Variants in TMEM63C observed in about 807,000 individuals in gnomAD.
TMEM63C encodes the protein osmosensitive cation channel TMEM63C.
In TMEM63C, 32 loss-of-function variants were observed where a neutral mutation model predicts 99.2. That is an observed-to-expected ratio of 0.32 (90% CI 0.24 to 0.43). The LOEUF (loss-of-function observed/expected upper bound fraction) is 0.43, where lower values mean the gene tolerates loss of function less well. TMEM63C is among the 20% of genes least tolerant of loss of function. The pLI, the probability that TMEM63C is intolerant of heterozygous loss-of-function variation, is 1.00. For missense variants in TMEM63C, 826 were observed against 1,053.0 expected, an observed-to-expected ratio of 0.78 and a Z score of 2.98; for synonymous variants, 376 against 397.9, an observed-to-expected ratio of 0.94 and a Z score of 0.66.
At chr14:77,211,894 C>T (rs1454294683) in intron 1 of TMEM63C, among the ~76,000 whole-genome samples, 3 of 152,216 alleles carry the variant, frequency 2.0e-5, no homozygotes, top group African/African-American at 7.2e-5. Flanking sequence ...CATCATCTCC[C>T]ACTGCCCCTC....
chr14:77,218,600 G>T (rs1888634901), intron 2 of TMEM63C, among the ~76,000 whole-genome samples: 1 of 152,220 alleles, frequency 6.6e-6, no homozygotes, highest in African/African-American at 2.4e-5. Context: ...CTGTCATCCC[G>T]GCCTTGGGTT....
intron 18 of TMEM63C, 92 bp from the exon 19 acceptor site, chr14:77,248,255 C>T (rs1473392481): frequency 4.4e-6 from 5 of 1,137,092 alleles, no homozygotes; most frequent in Admixed American, 2.3e-5. Flanking sequence ...GATTCCCATT[C>T]CCTCTGCTGC....
intron 21 of TMEM63C, 96 bp downstream of exon 21, chr14:77,249,554 C>A: frequency 7.2e-7 from 1 of 1,396,616 alleles, no homozygotes; most frequent in South Asian, 1.3e-5. Context: ...AAAGCCCAGG[C>A]AGGGCAAGAC....
chr14:77,224,342 T>TCCTTTTGGGAACAA (rs1164609644), intron 5 of TMEM63C, among the ~76,000 whole-genome samples: 1 of 152,046 alleles, frequency 6.6e-6, no homozygotes, highest in African/African-American at 2.4e-5. Context: ...GATAGTTGCT[T>TCCTTTTGGGAACAA]CCTTTTGGGA....
At position 77,244,406 on chromosome 14, in the gene TMEM63C, C is replaced by T. The variant is rs376049742; in HGVS notation, c.1399C>T (p.Leu467=). 1 of 1,613,852 alleles carries T rather than the reference C, an allele frequency of 6.2e-7. No homozygotes were observed. Among genetic ancestry groups the T allele is most frequent in the Non-Finnish European group, 8.5e-7 (1 of 1,179,894 alleles). ...SVMLWGFTVI[L]PLIVYFSAFL... ...GATGCTCTGGGGCTTCACAGTGATA[C>T]TGCCTCTGATTGTCTACTTCTCCGC... Residue 467 remains leucine (L), a synonymous_variant, in exon 16 of 24, where the codon CTG becomes TTG. Transcript: ENST00000298351.
chr14:77,241,200 C>G (rs112228490), intron 13 of TMEM63C, among the ~76,000 whole-genome samples: 1 of 152,098 alleles, frequency 6.6e-6, no homozygotes, highest in African/African-American at 2.4e-5. Flanking sequence ...ATCTGCCCAC[C>G]TCAGTCTCCC....
In TMEM63C at chr14:77,203,439, C is replaced by A. The variant is rs150680711; in HGVS notation, c.-76-10007C>A. On this transcript the variant is annotated intron_variant, in intron 1 of 23. Coordinates refer to ENST00000298351, the MANE Select transcript of TMEM63C (RefSeq NM_020431.4). ...CAGAGTGAAAGGTAAGTCTTCCTCG[C>A]CACCTAGTTCCCTACCCAGAAGACA... Among the ~76,000 whole-genome samples, 1,128 of 151,918 alleles carry A rather than the reference C, an allele frequency of 7.4e-3. 7 individuals are homozygous for A. Among genetic ancestry groups the A allele is most frequent in the Non-Finnish European group, 0.012 (824 of 67,964 alleles).
chr14:77,225,358 T>C, intron 5 of TMEM63C, 66 bp from the exon 6 acceptor site: 3 of 1,530,962 alleles, frequency 2.0e-6, no homozygotes, highest in Non-Finnish European at 2.6e-6. Context: ...GCCGCCTGGG[T>C]TCCCAGAGCT....
intron 1 of TMEM63C, among the ~76,000 whole-genome samples, chr14:77,207,614 C>A (rs185027462): frequency 6.6e-6 from 1 of 152,320 alleles, no homozygotes; most frequent in Non-Finnish European, 1.5e-5. Flanking sequence ...TAACTTTAGG[C>A]CAGTTACTTA....
In TMEM63C at chr14:77,238,686, C is replaced by A; in HGVS notation, c.652-8C>A. 1 of 1,611,558 alleles carries A rather than the reference C, an allele frequency of 6.2e-7. No individual in the cohort carries two copies. Among genetic ancestry groups the A allele is most frequent in the Non-Finnish European group, 8.5e-7 (1 of 1,177,894 alleles). On this transcript the variant is annotated splice_polypyrimidine_tract_variant and splice_region_variant and intron_variant, in intron 9 of 23. Coordinates refer to ENST00000298351, the MANE Select transcript of TMEM63C (RefSeq NM_020431.4). ...TCTTCTTTCTCCATTTTTATTTTTCCCACCCAGGTCACAAGGACACTAATG... is the reference window on the plus strand; with the variant it reads ...TCTTCTTTCTCCATTTTTATTTTTCACACCCAGGTCACAAGGACACTAATG...
At chr14:77,209,522 A>G (rs1184145314) in intron 1 of TMEM63C, among the ~76,000 whole-genome samples, 1 of 152,180 alleles carries the variant, frequency 6.6e-6, no homozygotes, top group African/African-American at 2.4e-5. Context: ...GGTCCCTACT[A>G]TCAAAGAGCC....
chr14:77,255,128 T>C (rs925934855), intron 23 of TMEM63C, among the ~76,000 whole-genome samples: 1 of 152,132 alleles, frequency 6.6e-6, no homozygotes, highest in Admixed American at 6.5e-5. Context: ...GTAGCTGGGA[T>C]TACAGGCACA....
chr14:77,227,907 G>A (rs1037877332), intron 6 of TMEM63C, among the ~76,000 whole-genome samples: 2 of 152,222 alleles, frequency 1.3e-5, no homozygotes, highest in East Asian at 1.9e-4. Context: ...GGAAGGAGGA[G>A]GGAAAACAGG....
At chr14:77,196,590 G>A (rs1888218855) in intron 1 of TMEM63C, among the ~76,000 whole-genome samples, 1 of 152,162 alleles carries the variant, frequency 6.6e-6, no homozygotes, top group Non-Finnish European at 1.5e-5. Flanking sequence ...TCTGGTTTGG[G>A]GCAAGCCTAG....
intron 23 of TMEM63C, among the ~76,000 whole-genome samples, chr14:77,255,350 G>A (rs992125475): frequency 6.6e-6 from 1 of 152,100 alleles, no homozygotes; most frequent in Admixed American, 6.6e-5. Context: ...TTATCTCTTT[G>A]AACACCCAGC....
intron 1 of TMEM63C, among the ~76,000 whole-genome samples, chr14:77,188,924 C>G (rs1278357723): frequency 1.3e-5 from 2 of 152,064 alleles, no homozygotes; most frequent in African/African-American, 2.4e-5. Flanking sequence ...TGATACTGTG[C>G]AGCAGTTAAA....
intron 22 of TMEM63C, among the ~76,000 whole-genome samples, chr14:77,252,906 C>T (rs1294551179): frequency 6.6e-6 from 1 of 152,218 alleles, no homozygotes; most frequent in African/African-American, 2.4e-5. Context: ...GCCAGGTGTC[C>T]ACTCTAGAGA....
At position 77,246,639 on chromosome 14, in the gene TMEM63C, C is replaced by T. The variant is rs781716133; in HGVS notation, c.1566C>T (p.Asp522=). The T allele has an allele frequency of 6.2e-7, 1 of 1,613,440 alleles. No individual in the cohort carries two copies. The highest frequency in any genetic ancestry group is 8.5e-7 in the Non-Finnish European group (1 of 1,179,684). ...SLDVFLRWLF[D]IYYLEQASIR... is the part of the protein sequence containing the mutation. Reference sequence around the variant, plus strand: ...ATGTCTTTCTCCGCTGGCTCTTTGACATCTACTATCTAGAGCAAGCATCCA... The same window carrying T: ...ATGTCTTTCTCCGCTGGCTCTTTGATATCTACTATCTAGAGCAAGCATCCA... The change falls in exon 18 of 24, where the codon GAC becomes GAT. Residue 522 remains aspartate (D), a synonymous_variant. Coordinates refer to ENST00000298351, the MANE Select transcript of TMEM63C (RefSeq NM_020431.4).
intron 3 of TMEM63C, 47 bp from the exon 4 acceptor site, chr14:77,219,450 AG>A: frequency 1.3e-6 from 2 of 1,590,120 alleles, no homozygotes; most frequent in African/African-American, 2.7e-5. Flanking sequence ...GCCAAGGGGA[AG>A]GGATCCATGA....
Sources: gnomAD v4.1 joint callset for allele counts (sites outside exome capture counted in the v4.1 genomes callset) on GRCh38, gnomAD v4.1.1 for gene constraint, MANE v1.5 for transcripts, NCBI Gene and HGNC (gene_info 2026-07-23, HGNC 2026-07-21) for gene names.